Variants in DNAJC1 observed in about 807,000 individuals in gnomAD.
DNAJC1 encodes the protein DnaJ heat shock protein family (Hsp40) member C1.
DNAJC1 carries 58 observed loss-of-function variants against 76.6 expected under a neutral mutation model. The observed-to-expected ratio is 0.76, with a 90% CI of 0.61 to 0.94. The LOEUF (loss-of-function observed/expected upper bound fraction) is 0.94, where lower values mean the gene tolerates loss of function less well. Among genes scored for constraint, DNAJC1 ranks in the 40% least tolerant of loss-of-function variants. The pLI, the probability that DNAJC1 is intolerant of heterozygous loss-of-function variation, is 0.00. For missense variants in DNAJC1, 689 were observed against 677.3 expected, an observed-to-expected ratio of 1.02 and a Z score of -0.19; for synonymous variants, 258 against 267.9, an observed-to-expected ratio of 0.96 and a Z score of 0.36.
At position 21,919,888 on chromosome 10, in the gene DNAJC1, C is replaced by CA; in HGVS notation, c.578_579insT (p.Lys193AsnfsTer19). The CA allele has an allele frequency of 6.2e-7, 1 of 1,607,260 alleles. No individual in the cohort carries two copies. The highest frequency in any genetic ancestry group is 8.5e-7 in the Non-Finnish European group (1 of 1,178,066). ...ATACATCCACACTCTTGCTGCCAGT[C>CA]TTTTTTTTCTTTTCTCTCTTTTTTC... On this transcript the variant is annotated frameshift_variant, in exon 5 of 12. Coordinates refer to ENST00000376980, the MANE Select transcript of DNAJC1 (RefSeq NM_022365.4). LOFTEE classifies it high-confidence loss of function.
chr10:21,846,672 C>A (rs962137967), intron 8 of DNAJC1, among the ~76,000 whole-genome samples: 3 of 151,968 alleles, frequency 2.0e-5, no homozygotes, highest in Non-Finnish European at 1.5e-5. Context: ...AGATGGAAGA[C>A]AGAAAATTTA....
chr10:21,769,001 C>T (rs915452211), intron 9 of DNAJC1, among the ~76,000 whole-genome samples: 1 of 152,088 alleles, frequency 6.6e-6, no homozygotes, highest in Non-Finnish European at 1.5e-5. Flanking sequence ...TTTTCTATTC[C>T]ACTTGGCATT....
chr10:21,960,790 A>G (rs941960911), intron 1 of DNAJC1, among the ~76,000 whole-genome samples: 11 of 152,250 alleles, frequency 7.2e-5, no homozygotes, highest in Non-Finnish European at 1.6e-4. Flanking sequence ...CCTACAACTC[A>G]ACAACAAAAA....
chr10:21,858,406 C>T (rs1835872225), intron 8 of DNAJC1, among the ~76,000 whole-genome samples: 1 of 152,132 alleles, frequency 6.6e-6, no homozygotes, highest in South Asian at 2.1e-4. Context: ...ATTTAAACGA[C>T]CAGAATGCCA....
At chr10:21,940,709 T>C (rs944948694) in intron 1 of DNAJC1, among the ~76,000 whole-genome samples, 5 of 152,138 alleles carry the variant, frequency 3.3e-5, no homozygotes, top group Non-Finnish European at 5.9e-5. Context: ...CTCCAAAATA[T>C]AGATAAACAA....
chr10:21,865,554 G>A (rs533302442), intron 8 of DNAJC1: 1 of 152,084 alleles, frequency 6.6e-6, no homozygotes, highest in Admixed American at 6.5e-5. Context: ...CTGGTTGCCT[G>A]AAGATAGGTG....
At chr10:21,994,218 T>C (rs549529736) in intron 1 of DNAJC1, among the ~76,000 whole-genome samples, 12 of 152,346 alleles carry the variant, frequency 7.9e-5, no homozygotes, top group African/African-American at 2.6e-4. Flanking sequence ...GATTTACTAC[T>C]AATGAGGCTA....
intron 8 of DNAJC1, among the ~76,000 whole-genome samples, chr10:21,875,496 T>C (rs1033518185): frequency 1.3e-5 from 2 of 152,204 alleles, no homozygotes; most frequent in African/African-American, 4.8e-5. Flanking sequence ...ATAAAGATTT[T>C]CAGCAATGAA....
At chr10:21,950,614 A>C (rs1228980561) in intron 1 of DNAJC1, among the ~76,000 whole-genome samples, 1 of 152,214 alleles carries the variant, frequency 6.6e-6, no homozygotes, top group East Asian at 1.9e-4. Context: ...AGGCATGTTG[A>C]AAGCCAGGAC....
In DNAJC1 at chr10:21,920,972, C is replaced by A; in HGVS notation, c.372-9G>T. 2.6e-6 allele frequency: 4 copies of A among 1,536,228 alleles called. No homozygotes were observed. The highest frequency in any genetic ancestry group is 2.5e-5 in the South Asian group (2 of 78,514). On this transcript the variant is annotated splice_polypyrimidine_tract_variant and intron_variant, in intron 3 of 11. Transcript: ENST00000376980. Reference sequence around the variant, plus strand: ...TCAGAATATCATCATACCTACAGTACAAATATAACAGTTTTTCACGGGGAG... The same window carrying A: ...TCAGAATATCATCATACCTACAGTAAAAATATAACAGTTTTTCACGGGGAG...
chr10:21,819,532 C>A (rs1208085511), intron 8 of DNAJC1, among the ~76,000 whole-genome samples: 1 of 152,148 alleles, frequency 6.6e-6, no homozygotes, highest in Non-Finnish European at 1.5e-5. Flanking sequence ...AATCACAGAA[C>A]ATGTGAGGTG....
intron 1 of DNAJC1, among the ~76,000 whole-genome samples, chr10:22,002,270 A>T (rs2131857210): frequency 6.6e-6 from 1 of 152,340 alleles, no homozygotes; most frequent in East Asian, 1.9e-4. Flanking sequence ...GAAGGGCTCA[A>T]TCAGATCGTG....
intron 9 of DNAJC1, among the ~76,000 whole-genome samples, chr10:21,800,837 G>C (rs1030129583): frequency 2.0e-5 from 3 of 152,262 alleles, no homozygotes; most frequent in Non-Finnish European, 2.9e-5. Flanking sequence ...TAGCTTAAGT[G>C]TATTCTTTGA....
At chr10:21,926,764 C>T (rs1837135269) in intron 3 of DNAJC1, among the ~76,000 whole-genome samples, 3 of 152,134 alleles carry the variant, frequency 2.0e-5, no homozygotes, top group Admixed American at 2.0e-4. Context: ...ATAAATACTA[C>T]AGCTGTTTGT....
At chr10:21,947,961 C>T (rs1010405145) in intron 1 of DNAJC1, among the ~76,000 whole-genome samples, 28 of 152,068 alleles carry the variant, frequency 1.8e-4, no homozygotes, top group South Asian at 4.1e-4. Context: ...TCAACCTTTG[C>T]AGAAATGACA....
At chr10:21,992,991 G>T (rs909290996) in intron 1 of DNAJC1, among the ~76,000 whole-genome samples, 2 of 151,954 alleles carry the variant, frequency 1.3e-5, no homozygotes, top group Non-Finnish European at 2.9e-5. Context: ...AATTCCCTCG[G>T]CCATACTTTA....
chr10:21,980,507 A>G (rs1439761830), intron 1 of DNAJC1, among the ~76,000 whole-genome samples: 2 of 152,136 alleles, frequency 1.3e-5, no homozygotes, highest in African/African-American at 4.8e-5. Flanking sequence ...ATATTCTCCA[A>G]AAGTGTCAAG....
intron 8 of DNAJC1, among the ~76,000 whole-genome samples, chr10:21,862,427 ATT>A (rs535547596): frequency 3.3e-4 from 44 of 131,824 alleles, no homozygotes; most frequent in East Asian, 1.5e-3. Flanking sequence ...CTGTTACTAC[ATT>A]TTTTTTTTTT....
At chr10:21,949,863 G>A (rs1053436590) in intron 1 of DNAJC1, among the ~76,000 whole-genome samples, 1 of 151,884 alleles carries the variant, frequency 6.6e-6, no homozygotes, top group Admixed American at 6.6e-5. Context: ...GTATTTATTG[G>A]CGTGTCATTT....
Sources: allele counts gnomAD v4.1 joint callset (sites outside exome capture counted in the v4.1 genomes callset), GRCh38; gene constraint gnomAD v4.1.1; transcripts MANE v1.5; gene names NCBI Gene and HGNC (gene_info 2026-07-23, HGNC 2026-07-21).